RAI1: variants seen among roughly 807,000 people sequenced by gnomAD.
The protein encoded by RAI1 is retinoic acid induced 1.
A neutral mutation model predicts 123.8 loss-of-function variants in RAI1; 9 were observed. The ratio of observed to expected loss-of-function variants is 0.07; its 90% CI spans 0.04 to 0.13. The LOEUF is 0.13. RAI1 is among the 10% of genes least tolerant of loss of function. The pLI is 1.00. For synonymous variants in RAI1, 1,231 were observed against 1,127.3 expected (o/e 1.09, Z -1.84); for missense variants, 2,256 against 2,545.8 (o/e 0.89, Z 2.45).
rs936522703 is a variant in RAI1, at chr17:17,796,020, C to T, written c.3072C>T (p.Leu1024=). 1 of 1,593,940 alleles carries T rather than the reference C, an allele frequency of 6.3e-7. No individual in the cohort carries two copies. Among genetic ancestry groups the T allele is most frequent in the Non-Finnish European group, 8.5e-7 (1 of 1,171,474 alleles). ...GGGCACCAGTGCTGCCCAAAGACCT[C>T]TTGCTCCCTGAATCCTGCACAGGGC... ...PCRAPVLPKD[L]LLPESCTGPP... The change falls in exon 3 of 6, where the codon CTC becomes CTT. Residue 1024 remains leucine (L), a synonymous_variant. Coordinates refer to ENST00000353383, the MANE Select transcript of RAI1 (RefSeq NM_030665.4). The surrounding 1 kb of genome is among the most constrained non-coding windows in gnomAD (Gnocchi z 5.8).
At chr17:17,806,330 C>T (rs1263376753) in intron 4 of RAI1, among the ~76,000 whole-genome samples, 4 of 152,204 alleles carry the variant, frequency 2.6e-5, no homozygotes, top group African/African-American at 7.2e-5. Flanking sequence ...AAGGATTCCT[C>T]ATATAACAGG....
At chr17:17,802,159 C>T (rs1482740284) in intron 3 of RAI1, 1 of 470,968 alleles carries the variant, frequency 2.1e-6, no homozygotes, top group Admixed American at 2.3e-5. Context: ...CCACTCCAAG[C>T]AGCTGGTCCA....
rs1355601974 is a variant in RAI1 at position 17,796,287 on chromosome 17, C to T, written c.3339C>T (p.Ala1113=). ...CTGCCTCCAGCCCCAGCAACCCGGC[C>T]GCCCTGCCTGTGGCCTCCGACAGCA... ...PKAASSPSNP[A]ALPVASDSSP... The change falls in exon 3 of 6, where the codon GCC becomes GCT. Residue 1113 remains alanine (A), a synonymous_variant. Transcript: ENST00000353383. The surrounding 1 kb of genome is among the most constrained non-coding windows in gnomAD (Gnocchi z 5.8). 19 of 1,600,616 alleles carry T rather than the reference C, an allele frequency of 1.2e-5. No individual in the cohort carries two copies. The highest frequency in any genetic ancestry group is 6.8e-5 in the Admixed American group (4 of 59,066).
intron 2 of RAI1, among the ~76,000 whole-genome samples, chr17:17,742,069 T>C (rs1916653564): frequency 6.6e-6 from 1 of 152,272 alleles, no homozygotes; most frequent in African/African-American, 2.4e-5. Context: ...TGTCAGTGTC[T>C]CTTGTGGAGA....
chr17:17,787,492 C>G (rs566420941), intron 2 of RAI1, among the ~76,000 whole-genome samples: 19 of 152,342 alleles, frequency 1.2e-4, no homozygotes, highest in African/African-American at 4.6e-4. Flanking sequence ...AGAGACTGAT[C>G]AGTACAGAAC....
chr17:17,804,305 C>T (rs145229500), intron 4 of RAI1, among the ~76,000 whole-genome samples: 1,526 of 152,266 alleles, frequency 0.01, 32 homozygotes, highest in African/African-American at 0.034. Context: ...AGACTGAGAC[C>T]CATGGAGCAA....
chr17:17,726,651 T>G (rs1030336686), intron 2 of RAI1, among the ~76,000 whole-genome samples: 1 of 152,212 alleles, frequency 6.6e-6, no homozygotes, highest in African/African-American at 2.4e-5. Flanking sequence ...GTTTCTCAAT[T>G]GGAAGCATCT....
rs941227310 is a variant in RAI1 at position 17,799,417 on chromosome 17, C to T, written c.5565+904C>T. On this transcript the variant is annotated intron_variant, in intron 3 of 5. Coordinates refer to ENST00000353383, the MANE Select transcript of RAI1 (RefSeq NM_030665.4). This position sits in a 1 kb window ranked among gnomAD's most constrained non-coding sequence, Gnocchi z 4.5. ...CCCAGTACCATAGAGTACCTCTGTGCCCTTCTGAGGGAGGGGTCAGTGGGG... is the reference window on the plus strand; with the variant it reads ...CCCAGTACCATAGAGTACCTCTGTGTCCTTCTGAGGGAGGGGTCAGTGGGG... Among the ~76,000 whole-genome samples the T allele has an allele frequency of 1.3e-5, 2 of 152,126 alleles. No individual in the cohort carries two copies. Among genetic ancestry groups the T allele is most frequent in the African/African-American group, 2.4e-5 (1 of 41,408 alleles).
chr17:17,785,831 T>C (rs1438468487), intron 2 of RAI1, among the ~76,000 whole-genome samples: 1 of 152,252 alleles, frequency 6.6e-6, no homozygotes, highest in African/African-American at 2.4e-5. Flanking sequence ...CCTCCTGCTC[T>C]GGGTGCCATC....
chr17:17,798,942 T>A (rs1466017381), intron 3 of RAI1, among the ~76,000 whole-genome samples: 1 of 152,120 alleles, frequency 6.6e-6, no homozygotes, highest in Non-Finnish European at 1.5e-5. Flanking sequence ...TGTTCCTGTC[T>A]CCATTGCCTC....
At position 17,731,320 on chromosome 17, in the gene RAI1, A is replaced by G. The variant is rs540951253; in HGVS notation, c.-17+7161A>G. 3.3e-5 allele frequency among the ~76,000 whole-genome samples: 5 copies of G among 152,322 alleles called. No individual in the cohort carries two copies. The South Asian group carries it at 1.0e-3, about 32-fold the overall frequency. On this transcript the variant is annotated intron_variant, in intron 2 of 5. Coordinates refer to ENST00000353383, the MANE Select transcript of RAI1 (RefSeq NM_030665.4). ...AGGTTCTGGCCCAGATGCCCTGGCG[A>G]AGGCACCCAAAGGGACAGGGGCTGG... is the stretch of plus-strand genomic sequence containing the variant.
At chr17:17,737,118 C>T (rs1184666085) in intron 2 of RAI1, among the ~76,000 whole-genome samples, 3 of 152,156 alleles carry the variant, frequency 2.0e-5, no homozygotes, top group Non-Finnish European at 4.4e-5. Context: ...TGGGGAATTT[C>T]TGGGTTAAAA....
chr17:17,801,851 C>T lies in RAI1; in HGVS notation c.5566-1905C>T, dbSNP rs1212037709. On this transcript the variant is annotated intron_variant, in intron 3 of 5. Coordinates refer to ENST00000353383, the MANE Select transcript of RAI1 (RefSeq NM_030665.4). This position sits in a 1 kb window ranked among gnomAD's most constrained non-coding sequence, Gnocchi z 4.1. ...CAGCCTGGAGCCCTCGGGCAGGTTA[C>T]TCAGCCTCAGCTCTCATTGGTAACC... Among the ~76,000 whole-genome samples the T allele has an allele frequency of 6.6e-6, 1 of 152,250 alleles. No individual in the cohort carries two copies. The highest frequency in any genetic ancestry group is 2.4e-5 in the African/African-American group (1 of 41,462).
chr17:17,702,721 G>C (rs1915265314), intron 1 of RAI1, among the ~76,000 whole-genome samples: 1 of 152,186 alleles, frequency 6.6e-6, no homozygotes, highest in Non-Finnish European at 1.5e-5. Context: ...GCACCTCCCT[G>C]CCAGGCTATG....
chr17:17,694,358 G>C (rs979895205), intron 1 of RAI1, among the ~76,000 whole-genome samples: 1 of 152,142 alleles, frequency 6.6e-6, no homozygotes, highest in South Asian at 2.1e-4. Context: ...CCAGGAAGAC[G>C]GGCCTTCCTG....
intron 1 of RAI1, among the ~76,000 whole-genome samples, chr17:17,686,528 G>A (rs907487379): frequency 2.0e-5 from 3 of 151,154 alleles, no homozygotes; most frequent in Non-Finnish European, 2.9e-5. Flanking sequence ...CTGGGGCTTG[G>A]CTGGCAAAGG....
Position 17,796,571 on chromosome 17 carries a change from C to T in RAI1, c.3623C>T (p.Pro1208Leu). The T allele has an allele frequency of 1.2e-6, 2 of 1,611,608 alleles. No homozygotes were observed. Among genetic ancestry groups the T allele is most frequent in the Non-Finnish European group, 1.7e-6 (2 of 1,180,010 alleles). The change falls in exon 3 of 6, where the codon CCT becomes CTT. Residue 1208 changes from proline to leucine, a missense_variant. By Grantham distance (98) the Pro-to-Leu change is moderately conservative. Around this residue, in one of 7 missense-constraint regions of RAI1, gnomAD observed 322 missense variants for 358.0 expected, o/e 0.90. Transcript: ENST00000353383. The surrounding 1 kb of genome is among the most constrained non-coding windows in gnomAD (Gnocchi z 5.8). ...AGCCAGCGGGCAAGGGTCCCCAAACCTGGTGCAGGCAGCAAGCTCTCTGAC... is the reference window on the plus strand; with the variant it reads ...AGCCAGCGGGCAAGGGTCCCCAAACTTGGTGCAGGCAGCAAGCTCTCTGAC... ...RVSQRARVPK[P>L]GAGSKLSDRP...
chr17:17,731,745 G>C (rs1459043299), intron 2 of RAI1, among the ~76,000 whole-genome samples: 1 of 152,146 alleles, frequency 6.6e-6, no homozygotes, highest in African/African-American at 2.4e-5. Flanking sequence ...CTGGTCTAGA[G>C]GGAAGCAGGG....
intron 1 of RAI1, among the ~76,000 whole-genome samples, chr17:17,706,022 CAAAAAAAAA>C (rs1197967787): frequency 2.7e-5 from 1 of 37,388 alleles, no homozygotes; most frequent in Non-Finnish European, 6.1e-5. Flanking sequence ...GACTCTGTCT[CAAAAAAAAA>C]AAAAAAAAAA....
Sources: gnomAD v4.1 joint callset for allele counts (sites outside exome capture counted in the v4.1 genomes callset) on GRCh38, gnomAD v4.1.1 for gene constraint, gnomAD v4.1.1 regional missense constraint, Gnocchi (gnomAD v3.1) non-coding constraint, MANE v1.5 for transcripts, NCBI Gene and HGNC (gene_info 2026-07-23, HGNC 2026-07-21) for gene names.